CTNND2: variants seen among roughly 807,000 people sequenced by gnomAD.
The protein encoded by CTNND2 is catenin delta 2, also known as catenin delta-2.
Under a neutral mutation model 144.4 loss-of-function variants are expected in CTNND2, and 22 were observed. The ratio of observed to expected loss-of-function variants is 0.15; its 90% CI spans 0.11 to 0.22. CTNND2 has a LOEUF of 0.22. Among genes scored for constraint, CTNND2 ranks in the 10% least tolerant of loss-of-function variants. The pLI, the probability that CTNND2 is intolerant of heterozygous loss-of-function variation, is 1.00. For synonymous variants in CTNND2, 751 were observed against 695.6 expected, an observed-to-expected ratio of 1.08 and a Z score of -1.25; for missense variants, 1,353 against 1,618.8, an observed-to-expected ratio of 0.84 and a Z score of 2.82.
In CTNND2 at chr5:11,527,698, C is replaced by G. The variant is rs939335477; in HGVS notation, c.287+37246G>C. ...CATAGCATGACACTCCTCTAAGCTG[C>G]TGTGTCATTATATTTAATATTTCAT... On this transcript the variant is annotated intron_variant, in intron 3 of 21. Transcript: ENST00000304623. 1.1e-4 allele frequency among the ~76,000 whole-genome samples: 16 copies of G among 152,184 alleles called. 1 individual carries two copies. Among genetic ancestry groups the G allele is most frequent in the Admixed American group, 4.6e-4 (7 of 15,286 alleles).
At chr5:11,143,330 G>A (rs1182202963) in intron 12 of CTNND2, among the ~76,000 whole-genome samples, 1 of 152,172 alleles carries the variant, frequency 6.6e-6, no homozygotes, top group Non-Finnish European at 1.5e-5. Flanking sequence ...GGTGGCTTAA[G>A]CAACAGAAAT....
intron 13 of CTNND2, among the ~76,000 whole-genome samples, chr5:11,114,299 A>T (rs1421104247): frequency 2.6e-5 from 4 of 152,142 alleles, no homozygotes; most frequent in African/African-American, 9.7e-5. Flanking sequence ...CAGTTGGGAA[A>T]AATGCTTTAT....
intron 3 of CTNND2, among the ~76,000 whole-genome samples, chr5:11,474,245 A>G (rs969937479): frequency 1.2e-4 from 19 of 152,228 alleles, no homozygotes; most frequent in African/African-American, 4.6e-4. Flanking sequence ...TTATTTAACA[A>G]TTTAACTGAT....
intron 12 of CTNND2, among the ~76,000 whole-genome samples, chr5:11,123,724 T>A (rs1370500309): frequency 6.6e-6 from 1 of 152,232 alleles, no homozygotes; most frequent in African/African-American, 2.4e-5. Flanking sequence ...CTCAGTGTGT[T>A]TCACTGGTCT....
intron 6 of CTNND2, among the ~76,000 whole-genome samples, chr5:11,393,617 C>T (rs753483048): frequency 1.3e-5 from 2 of 152,154 alleles, no homozygotes; most frequent in Non-Finnish European, 2.9e-5. Context: ...CTAGCCCACC[C>T]ACAAACCAGC....
At position 11,412,043 on chromosome 5, in the gene CTNND2, T is replaced by G. The variant is rs1036699540; in HGVS notation, c.314A>C (p.Gln105Pro). The change falls in exon 4 of 22, where the codon CAG (glutamine) becomes CCG (proline). Residue 105 changes from glutamine (Q) to proline (P), a missense_variant. Coordinates refer to ENST00000304623, the MANE Select transcript of CTNND2 (RefSeq NM_001332.4). The stretch of plus-strand genomic sequence containing the variant: ...AATAAGATAGACATTACCTTGTGAC[T>G]GCCACTGAAACTGCTCTTCTGCTGA... ...MSSAEEQFQW[Q>P]SQDGQKDIED... 1 of 1,611,072 alleles carries G rather than the reference T, an allele frequency of 6.2e-7. No individual in the cohort carries two copies. The highest frequency in any genetic ancestry group is 8.5e-7 in the Non-Finnish European group (1 of 1,177,438).
At chr5:11,473,609 C>T (rs1007675178) in intron 3 of CTNND2, among the ~76,000 whole-genome samples, 17 of 152,170 alleles carry the variant, frequency 1.1e-4, no homozygotes, top group Admixed American at 3.3e-4. Context: ...ATGGCTCCAT[C>T]GCTATTCCCA....
chr5:11,225,746 C>CTT (rs1466007748), intron 10 of CTNND2, among the ~76,000 whole-genome samples: 11 of 152,320 alleles, frequency 7.2e-5, no homozygotes, highest in Non-Finnish European at 1.6e-4. Context: ...CAGCCACACT[C>CTT]TTTGTTACTC....
chr5:11,133,444 G>A lies in CTNND2; in HGVS notation c.2160-15877C>T, dbSNP rs113466392. Among the ~76,000 whole-genome samples, 804 of 151,958 alleles carry A rather than the reference G, an allele frequency of 5.3e-3. 3 individuals are homozygous for A. The highest frequency in any genetic ancestry group is 0.014 in the Middle Eastern group (4 of 294). ...CTTGGCTCACTGCAACCTCTGCCTC[G>A]CGGGTTCAAGCAATTCTCCAACCTC... is the stretch of plus-strand genomic sequence containing the variant. On this transcript the variant is annotated intron_variant, in intron 12 of 21. Transcript: ENST00000304623.
At chr5:11,023,775 C>G (rs1742534346) in intron 16 of CTNND2, among the ~76,000 whole-genome samples, 1 of 152,194 alleles carries the variant, frequency 6.6e-6, no homozygotes, top group South Asian at 2.1e-4. Context: ...TTCCCAATGA[C>G]AAAGGTACTT....
chr5:11,598,464 T>C (rs1000343235), intron 2 of CTNND2, among the ~76,000 whole-genome samples: 1 of 152,144 alleles, frequency 6.6e-6, no homozygotes, highest in African/African-American at 2.4e-5. Context: ...TTGTCAACCA[T>C]TCTAAAGGTA....
chr5:11,496,852 G>A (rs1769998753), intron 3 of CTNND2, among the ~76,000 whole-genome samples: 1 of 152,124 alleles, frequency 6.6e-6, no homozygotes, highest in Non-Finnish European at 1.5e-5. Context: ...GATTACACTA[G>A]CCATAAAGCA....
chr5:11,263,982 C>T (rs995820070), intron 9 of CTNND2, among the ~76,000 whole-genome samples: 2 of 152,304 alleles, frequency 1.3e-5, no homozygotes, highest in Middle Eastern at 3.4e-3. Flanking sequence ...TCTGGTGGCA[C>T]GTCATCTGTA....
intron 2 of CTNND2, among the ~76,000 whole-genome samples, chr5:11,612,686 G>A (rs1387995362): frequency 6.6e-6 from 1 of 152,118 alleles, no homozygotes; most frequent in Non-Finnish European, 1.5e-5. Flanking sequence ...GATTGCTTGA[G>A]CCCAGGAGTT....
At chr5:11,079,395 G>C (rs1357007320) in intron 16 of CTNND2, among the ~76,000 whole-genome samples, 1 of 152,156 alleles carries the variant, frequency 6.6e-6, no homozygotes, top group Non-Finnish European at 1.5e-5. Flanking sequence ...CTACAGAAAT[G>C]ATATCCCTAA....
chr5:11,444,706 A>T (rs934751744), intron 3 of CTNND2, among the ~76,000 whole-genome samples: 1 of 152,208 alleles, frequency 6.6e-6, no homozygotes. Context: ...TGTCTAAAAA[A>T]ATAAAAATAA....
At chr5:11,175,513 T>C (rs1760394310) in intron 11 of CTNND2, among the ~76,000 whole-genome samples, 1 of 152,206 alleles carries the variant, frequency 6.6e-6, no homozygotes, top group Non-Finnish European at 1.5e-5. Flanking sequence ...GTTACGGATA[T>C]ATTTTGATAT....
intron 2 of CTNND2, among the ~76,000 whole-genome samples, chr5:11,676,134 T>C (rs766527419): frequency 6.6e-6 from 1 of 151,926 alleles, no homozygotes; most frequent in Non-Finnish European, 1.5e-5. Context: ...CACACACATA[T>C]ATAACATTTT....
chr5:11,265,858 C>T (rs1213193959), intron 9 of CTNND2, among the ~76,000 whole-genome samples: 5 of 151,772 alleles, frequency 3.3e-5, no homozygotes, highest in African/African-American at 1.2e-4. Context: ...ATTACAGGAT[C>T]GCACCACCAT....
Sources: allele counts gnomAD v4.1 joint callset (sites outside exome capture counted in the v4.1 genomes callset), GRCh38; gene constraint gnomAD v4.1.1; transcripts MANE v1.5; gene names NCBI Gene and HGNC (gene_info 2026-07-23, HGNC 2026-07-21).